The following CSMD3 variants were observed in gnomAD, a reference collection of about 807,000 sequenced individuals.
CSMD3 encodes CUB and Sushi multiple domains 3.
Under a neutral mutation model 435.2 loss-of-function variants are expected in CSMD3, and 177 were observed. That is an observed-to-expected ratio of 0.41 (90% CI 0.36 to 0.46). The LOEUF (loss-of-function observed/expected upper bound fraction) is 0.46. Among genes scored for constraint, CSMD3 ranks in the 20% least tolerant of loss-of-function variants. CSMD3 has a pLI of 0.34. For synonymous variants in CSMD3, 1,656 were observed against 1,520.5 expected, an observed-to-expected ratio of 1.09 and a Z score of -2.07; for missense variants, 4,265 against 4,504.6, an observed-to-expected ratio of 0.95 and a Z score of 1.52.
In CSMD3 at chr8:112,851,068, A is replaced by C. The variant is rs182644324; in HGVS notation, c.1755+8077T>G. 2.3e-3 allele frequency among the ~76,000 whole-genome samples: 352 copies of C among 152,254 alleles called. 1 individual carries two copies. Among genetic ancestry groups the C allele is most frequent in the African/African-American group, 8.1e-3 (335 of 41,540 alleles). On this transcript the variant is annotated intron_variant, in intron 11 of 70. Transcript: ENST00000297405. ...TGTTTTTAATATAACATTATATTTT[A>C]GTTCAGATGATTTCAATTTTATTAT... is the stretch of plus-strand genomic sequence containing the variant.
In CSMD3 at chr8:112,304,709, G is replaced by T. The variant is rs780628309; in HGVS notation, c.8266+12C>A. 1.2e-5 allele frequency: 19 copies of T among 1,588,654 alleles called. No individual in the cohort carries two copies. The highest frequency in any genetic ancestry group is 1.6e-5 in the Non-Finnish European group (19 of 1,156,948). On this transcript the variant is annotated intron_variant, in intron 52 of 70. Coordinates refer to ENST00000297405, the MANE Select transcript of CSMD3 (RefSeq NM_198123.2). ...TAGCTTATGAAATAAGTTTAGCAGA[G>T]TGTATACTTACTTTGGCAATATGGT... is the stretch of plus-strand genomic sequence containing the variant.
chr8:113,150,071 G>A (rs1405820166), intron 4 of CSMD3, among the ~76,000 whole-genome samples: 1 of 151,756 alleles, frequency 6.6e-6, no homozygotes, highest in Non-Finnish European at 1.5e-5. Context: ...TGGTGGCACT[G>A]TAATAGGCAG....
intron 59 of CSMD3, among the ~76,000 whole-genome samples, chr8:112,267,682 G>A (rs2130438001): frequency 6.6e-6 from 1 of 152,252 alleles, no homozygotes; most frequent in South Asian, 2.1e-4. Context: ...CAGGGCACAT[G>A]AGCTGAGATG....
At chr8:112,690,592 C>A (rs574779505) in intron 13 of CSMD3, among the ~76,000 whole-genome samples, 5 of 149,970 alleles carry the variant, frequency 3.3e-5, no homozygotes, top group Non-Finnish European at 7.4e-5. Context: ...ACTAGACCCC[C>A]CCCCCCAACA....
intron 1 of CSMD3, among the ~76,000 whole-genome samples, chr8:113,356,762 T>C (rs1185367426): frequency 6.6e-6 from 1 of 152,140 alleles, no homozygotes; most frequent in Non-Finnish European, 1.5e-5. Context: ...AGAAAACTTC[T>C]AAAACACATC....
intron 2 of CSMD3, among the ~76,000 whole-genome samples, chr8:113,288,565 T>C (rs1401216013): frequency 6.6e-6 from 1 of 151,878 alleles, no homozygotes; most frequent in Non-Finnish European, 1.5e-5. Context: ...ATGACTGTAA[T>C]TCCAAAGGCC....
At chr8:113,257,161 C>A (rs575654193) in intron 3 of CSMD3, among the ~76,000 whole-genome samples, 1 of 152,262 alleles carries the variant, frequency 6.6e-6, no homozygotes, top group East Asian at 1.9e-4. Context: ...GTAATCCCAG[C>A]ACTTTGGGAG....
chr8:112,766,127 A>G (rs1471318399), intron 13 of CSMD3, among the ~76,000 whole-genome samples: 3 of 151,696 alleles, frequency 2.0e-5, no homozygotes, highest in Admixed American at 6.6e-5. Flanking sequence ...CCACAGGTGG[A>G]GAGGAGTTGG....
intron 17 of CSMD3, among the ~76,000 whole-genome samples, chr8:112,664,635 C>G (rs979937558): frequency 6.6e-6 from 1 of 152,074 alleles, no homozygotes; most frequent in African/African-American, 2.4e-5. Context: ...CCTAGTAGTA[C>G]TCAGAATGTG....
chr8:112,501,765 T>C (rs990085446), intron 30 of CSMD3, among the ~76,000 whole-genome samples: 7 of 152,208 alleles, frequency 4.6e-5, no homozygotes, highest in African/African-American at 1.7e-4. Context: ...GTCATTCATT[T>C]CTGGTAGTAA....
intron 3 of CSMD3, among the ~76,000 whole-genome samples, chr8:113,226,234 T>C (rs1389335522): frequency 6.6e-6 from 1 of 151,568 alleles, no homozygotes; most frequent in Non-Finnish European, 1.5e-5. Flanking sequence ...TAGTTCTTAG[T>C]ATTTTCCTCA....
intron 45 of CSMD3, among the ~76,000 whole-genome samples, chr8:112,332,910 A>G (rs2130932845): frequency 6.6e-6 from 1 of 152,310 alleles, no homozygotes; most frequent in Non-Finnish European, 1.5e-5. Context: ...TAATAGTAAC[A>G]ATTACAATAT....
intron 28 of CSMD3, 137 bp downstream of exon 28, chr8:112,516,897 C>G: frequency 1.5e-6 from 1 of 675,868 alleles, no homozygotes; most frequent in Non-Finnish European, 2.6e-6. Context: ...TTTGTACATT[C>G]TGCGGAGGTT....
intron 3 of CSMD3, among the ~76,000 whole-genome samples, chr8:113,182,726 T>C (rs187502054): frequency 1.4e-3 from 220 of 152,164 alleles, no homozygotes; most frequent in African/African-American, 5.0e-3. Flanking sequence ...CCCTAGGGCA[T>C]TGCCTTTGTC....
intron 3 of CSMD3, among the ~76,000 whole-genome samples, chr8:113,189,277 A>G (rs2131972595): frequency 6.6e-6 from 1 of 151,932 alleles, no homozygotes. Flanking sequence ...AATTGAAACC[A>G]ATTATGACAA....
At chr8:113,213,770 T>TA (rs1428357244) in intron 3 of CSMD3, among the ~76,000 whole-genome samples, 2 of 152,116 alleles carry the variant, frequency 1.3e-5, no homozygotes, top group African/African-American at 4.8e-5. Flanking sequence ...TCTCTATACT[T>TA]ACTTGGCATT....
intron 13 of CSMD3, among the ~76,000 whole-genome samples, chr8:112,729,597 G>A (rs1340889652): frequency 6.6e-6 from 1 of 152,096 alleles, no homozygotes; most frequent in Non-Finnish European, 1.5e-5. Context: ...TTTGGTATGT[G>A]AAGATAATCC....
At chr8:112,727,328 G>C (rs1019500510) in intron 13 of CSMD3, among the ~76,000 whole-genome samples, 2 of 151,790 alleles carry the variant, frequency 1.3e-5, no homozygotes, top group Non-Finnish European at 2.9e-5. Flanking sequence ...TAGTGCTATA[G>C]ATATGAGATT....
chr8:112,517,257 T>G, intron 27 of CSMD3, 32 bp from the exon 28 acceptor site: 1 of 1,527,344 alleles, frequency 6.5e-7, no homozygotes, highest in East Asian at 2.3e-5. Flanking sequence ...ATTTTAGTTT[T>G]GATAACTACC....
Sources: gnomAD v4.1 joint callset for allele counts (sites outside exome capture counted in the v4.1 genomes callset) on GRCh38, gnomAD v4.1.1 for gene constraint, MANE v1.5 for transcripts, NCBI Gene and HGNC (gene_info 2026-07-23, HGNC 2026-07-21) for gene names.